KLHL28: variants seen among roughly 807,000 people sequenced by gnomAD.
KLHL28 encodes kelch like family member 28, also known as kelch-like protein 28.
In KLHL28, 22 loss-of-function variants were observed where a neutral mutation model predicts 48.3. That is an observed-to-expected ratio of 0.46 (90% CI 0.33 to 0.65). The LOEUF (loss-of-function observed/expected upper bound fraction) is 0.65. Among genes scored for constraint, KLHL28 ranks in the 30% least tolerant of loss-of-function variants. KLHL28 has a pLI of 0.03. For missense variants in KLHL28, 527 were observed against 704.3 expected, an observed-to-expected ratio of 0.75 and a Z score of 2.85; for synonymous variants, 243 against 242.4, an observed-to-expected ratio of 1.00 and a Z score of -0.02.
intron 2 of KLHL28, among the ~76,000 whole-genome samples, chr14:44,935,411 T>C (rs761902461): frequency 2.6e-5 from 4 of 152,188 alleles, no homozygotes; most frequent in Non-Finnish European, 5.9e-5. Flanking sequence ...TTGGGATTTG[T>C]ACATTTTTCT....
intron 1 of KLHL28, among the ~76,000 whole-genome samples, chr14:44,949,199 T>C (rs1884471778): frequency 6.6e-6 from 1 of 152,116 alleles, no homozygotes; most frequent in African/African-American, 2.4e-5. Context: ...TACAATATGG[T>C]AAGATTTCTG....
chr14:44,959,904 T>C (rs2138680358), intron 1 of KLHL28, among the ~76,000 whole-genome samples: 1 of 152,210 alleles, frequency 6.6e-6, no homozygotes, highest in Admixed American at 6.5e-5. Flanking sequence ...GAGAAATTCC[T>C]AGATTTCCAA....
chr14:44,931,108 T>C (rs945917243), intron 4 of KLHL28, among the ~76,000 whole-genome samples: 24 of 152,170 alleles, frequency 1.6e-4, no homozygotes, highest in African/African-American at 5.8e-4. Flanking sequence ...TTCAGCAAGT[T>C]TGAGAAACAA....
intron 1 of KLHL28, among the ~76,000 whole-genome samples, chr14:44,954,439 C>T (rs1884712768): frequency 1.3e-5 from 2 of 152,168 alleles, no homozygotes; most frequent in Non-Finnish European, 2.9e-5. Flanking sequence ...TTTAAAACAA[C>T]TCTCATGTCC....
chr14:44,945,819 A>G lies in KLHL28; in HGVS notation c.110T>C (p.Ile37Thr). 6.2e-7 allele frequency: 1 copy of G among 1,614,154 alleles called. No homozygotes were observed. Among genetic ancestry groups the G allele is most frequent in the Non-Finnish European group, 8.5e-7 (1 of 1,180,006 alleles). ...LLRQHHELCD[I>T]ILRVGDVKIH... Reference sequence around the variant, plus strand: ...TTTAACATCACCTACTCGAAGAATGATGTCACAGAGTTCGTGATGTTGGCG... The same window carrying G: ...TTTAACATCACCTACTCGAAGAATGGTGTCACAGAGTTCGTGATGTTGGCG... The change falls in exon 2 of 5, where the codon ATC becomes ACC. Residue 37 changes from isoleucine to threonine, a missense_variant. Ile to Thr is a moderately conservative substitution (Grantham distance 89, BLOSUM62 -1). Transcript: ENST00000396128.
rs778149350 is a variant in KLHL28 at position 44,931,554 on chromosome 14, A to T, written c.1344-13T>A. The T allele has an allele frequency of 5.5e-5, 88 of 1,587,844 alleles. No homozygotes were observed. In the Middle Eastern group the frequency reaches 6.7e-4, roughly 12 times the overall value. On this transcript the variant is annotated splice_polypyrimidine_tract_variant and intron_variant, in intron 3 of 4. Coordinates refer to ENST00000396128, the MANE Select transcript of KLHL28 (RefSeq NM_017658.5). ...ATAACGCTCCACACTGCAAATATTT[A>T]AAAAAAATTTAATTTACAGATCTTT...
Position 44,934,485 on chromosome 14 carries a change from CA to C in KLHL28, c.972del (p.Phe324LeufsTer6). The C allele has an allele frequency of 6.2e-7, 1 of 1,613,776 alleles. No individual in the cohort carries two copies. The highest frequency in any genetic ancestry group is 8.5e-7 in the Non-Finnish European group (1 of 1,179,836). The part of the protein sequence containing the change: ...LAPLNIPRYE[F>X]GICVLDQKVY... ...ACTTTTTGGTCTAAAACGCATATTCCAAATTCATAGCGAGGAATGTTTAGGG... is the reference window on the plus strand; with the variant it reads ...ACTTTTTGGTCTAAAACGCATATTCCAATTCATAGCGAGGAATGTTTAGGG... On this transcript the variant is annotated frameshift_variant, in exon 3 of 5. Coordinates refer to ENST00000396128, the MANE Select transcript of KLHL28 (RefSeq NM_017658.5). LOFTEE classifies it high-confidence loss of function.
At chr14:44,956,644 TAA>T (rs1555339641) in intron 1 of KLHL28, among the ~76,000 whole-genome samples, 7 of 152,104 alleles carry the variant, frequency 4.6e-5, no homozygotes, top group Non-Finnish European at 2.9e-5. Context: ...CTGCAAGAAA[TAA>T]AGAGAATGAA....
Position 44,925,588 on chromosome 14 carries a change from ACT to A in KLHL28, c.*3438_*3439del, listed in dbSNP as rs1883349847. On this transcript the variant is annotated 3_prime_UTR_variant, in exon 5 of 5. Coordinates refer to ENST00000396128, the MANE Select transcript of KLHL28 (RefSeq NM_017658.5). ...ATTAGGGTCTCTCCCACTATATTTT[ACT>A]CTCTTTGAGTGAAAAAGAGTATATC... 6.6e-6 allele frequency: 1 copy of A among 152,126 alleles called. No homozygotes were observed. Among genetic ancestry groups the A allele is most frequent in the Non-Finnish European group, 1.5e-5 (1 of 67,958 alleles). 9.4% of individuals were successfully genotyped at this position (152,126 alleles called of 1,614,324 possible). A position where few individuals can be genotyped will look rare whatever the true frequency, so the allele number is the denominator to read the frequency against.
chr14:44,929,746 T>G (rs1181787484), intron 4 of KLHL28, among the ~76,000 whole-genome samples: 1 of 152,162 alleles, frequency 6.6e-6, no homozygotes, highest in Non-Finnish European at 1.5e-5. Context: ...GCCAAAAGTT[T>G]GAGGCAGCGG....
In KLHL28 at chr14:44,945,200, A is replaced by C. The variant is rs1884271664; in HGVS notation, c.729T>G (p.Leu243=). The stretch of plus-strand genomic sequence containing the variant: ...GTTTACAAGTGCGATCATCACGAAT[A>C]AGATGATTTGCTTCATATAGTCTAG... ...FLTRLYEANH[L]IRDDRTCKHL... is the part of the protein sequence containing the mutation. Residue 243 remains leucine (L), a synonymous_variant, in exon 2 of 5, where the codon CTT becomes CTG. Coordinates refer to ENST00000396128, the MANE Select transcript of KLHL28 (RefSeq NM_017658.5). 1 of 1,614,148 alleles carries C rather than the reference A, an allele frequency of 6.2e-7. No individual in the cohort carries two copies. The highest frequency in any genetic ancestry group is 8.5e-7 in the Non-Finnish European group (1 of 1,180,000).
In KLHL28 at chr14:44,946,011, CAG is replaced by C. The variant is rs559024207; in HGVS notation, c.1-85_1-84del. 422 of 1,078,728 alleles carry C rather than the reference CAG, an allele frequency of 3.9e-4. 2 individuals are homozygous for C. The African/African-American group carries it at 5.8e-3, about 15-fold the overall frequency. 66.8% of individuals were successfully genotyped at this position (1,078,728 alleles called of 1,614,324 possible). On this transcript the variant is annotated intron_variant, in intron 1 of 4. Coordinates refer to ENST00000396128, the MANE Select transcript of KLHL28 (RefSeq NM_017658.5). ...TGCTTTTCAAATAGTACAGAATAAT[CAG>C]ATTTGTAATTTATTTGTCTGTTCAT...
intron 2 of KLHL28, among the ~76,000 whole-genome samples, chr14:44,943,835 C>A (rs755473157): frequency 6.6e-6 from 1 of 151,512 alleles, no homozygotes; most frequent in African/African-American, 2.4e-5. Context: ...TTGCCTCAGC[C>A]TCCTGATTAG....
chr14:44,954,185 T>C (rs374658913), intron 1 of KLHL28, among the ~76,000 whole-genome samples: 1 of 152,244 alleles, frequency 6.6e-6, no homozygotes, highest in Non-Finnish European at 1.5e-5. Context: ...GCTGTGGGAA[T>C]AGAAAATGAT....
Position 44,924,852 on chromosome 14 carries a change from C to T in KLHL28, c.*4176G>A, listed in dbSNP as rs1883326833. On this transcript the variant is annotated 3_prime_UTR_variant, in exon 5 of 5. Coordinates refer to ENST00000396128, the MANE Select transcript of KLHL28 (RefSeq NM_017658.5). ...TATAATATAAAAGACATATGGATAA[C>T]AATTTTTCTCTCTGCAGAGATGTAA... 6.6e-6 allele frequency: 1 copy of T among 152,542 alleles called. No individual in the cohort carries two copies. Among genetic ancestry groups the T allele is most frequent in the Non-Finnish European group, 1.5e-5 (1 of 67,970 alleles). 9.4% of individuals were successfully genotyped at this position (152,542 alleles called of 1,614,324 possible). A position where few individuals can be genotyped will look rare whatever the true frequency, so the allele number is the denominator to read the frequency against.
rs774829937 is a variant in KLHL28, at chr14:44,945,528, G to C, written c.401C>G (p.Pro134Arg). ...CCAFLESQLD[P>R]GNCIGISRFA... ...ACGAGAAATTCCAATACAATTACCA[G>C]GATCAAGTTGGCTTTCAAGAAATGC... The change falls in exon 2 of 5, where the codon CCT becomes CGT. Residue 134 changes from proline (P) to arginine (R), a missense_variant. Physicochemically the swap from Pro to Arg is moderately radical, Grantham distance 103 (BLOSUM62 -2). Coordinates refer to ENST00000396128, the MANE Select transcript of KLHL28 (RefSeq NM_017658.5). The C allele has an allele frequency of 6.2e-7, 1 of 1,614,168 alleles. No individual in the cohort carries two copies. Among genetic ancestry groups the C allele is most frequent in the Non-Finnish European group, 8.5e-7 (1 of 1,180,032 alleles).
At chr14:44,950,554 A>G (rs1263926093) in intron 1 of KLHL28, among the ~76,000 whole-genome samples, 1 of 152,192 alleles carries the variant, frequency 6.6e-6, no homozygotes, top group African/African-American at 2.4e-5. Context: ...CACACACAAC[A>G]CATAAATATA....
chr14:44,938,042 CT>C (rs1181072630), intron 2 of KLHL28, among the ~76,000 whole-genome samples: 1 of 152,164 alleles, frequency 6.6e-6, no homozygotes, highest in African/African-American at 2.4e-5. Flanking sequence ...AATTTTGCCC[CT>C]GGCCCTCAAA....
At position 44,925,320 on chromosome 14, in the gene KLHL28, CAG is replaced by C. The variant is rs1420970791; in HGVS notation, c.*3706_*3707del. The C allele has an allele frequency of 6.6e-6, 1 of 152,042 alleles. No individual in the cohort carries two copies. The highest frequency in any genetic ancestry group is 1.5e-5 in the Non-Finnish European group (1 of 67,936). 9.4% of individuals were successfully genotyped at this position (152,042 alleles called of 1,614,324 possible). On this transcript the variant is annotated 3_prime_UTR_variant, in exon 5 of 5. Transcript: ENST00000396128. Reference sequence around the variant, plus strand: ...TACATATATTTCTCTCAATGTCAGCCAGAGTCTTGATACTACAGGAAATATAT... The same window carrying C: ...TACATATATTTCTCTCAATGTCAGCCAGTCTTGATACTACAGGAAATATAT...
Sources: allele counts gnomAD v4.1 joint callset (sites outside exome capture counted in the v4.1 genomes callset), GRCh38; gene constraint gnomAD v4.1.1; transcripts MANE v1.5; gene names NCBI Gene and HGNC (gene_info 2026-07-23, HGNC 2026-07-21).